Variants in RPS13 observed in about 807,000 individuals in gnomAD.
The protein encoded by RPS13 is ribosomal protein S13, also known as small ribosomal subunit protein uS15.
A neutral mutation model predicts 24.6 loss-of-function variants in RPS13; 1 was observed. The observed-to-expected ratio is 0.04, with a 90% confidence interval of 0.01 to 0.19. The LOEUF is 0.19. Among genes scored for constraint, RPS13 ranks in the 10% least tolerant of loss-of-function variants. RPS13 has a pLI of 1.00. For synonymous variants in RPS13, 69 were observed against 65.3 expected (o/e 1.06, Z -0.27); for missense variants, 88 against 187.4 (o/e 0.47, Z 3.10).
At chr11:17,075,716 A>G in intron 3 of RPS13, 93 bp from the exon 4 acceptor site, 3 of 954,810 alleles carry the variant, frequency 3.1e-6, no homozygotes, top group Non-Finnish European at 4.9e-6. Flanking sequence ...ATAGTTTCCT[A>G]TCTGTAAGAT....
Position 17,077,297 on chromosome 11 carries a change from G to T in RPS13, c.73-51C>A, listed in dbSNP as rs374416357. 74 of 1,577,964 alleles carry T rather than the reference G, an allele frequency of 4.7e-5. No homozygotes were observed. The Admixed American group carries it at 4.8e-4, about 10-fold the overall frequency. ...AGGATGAGAACCCAGGAATGGCGCC[G>T]CAGAACAGCGGTCTCTCCTTCCGCA... On this transcript the variant is annotated intron_variant, in intron 2 of 5. Transcript: ENST00000525634.
intron 3 of RPS13, chr11:17,076,826 T>C (rs971570330): frequency 1.5e-5 from 6 of 398,802 alleles, no homozygotes; most frequent in Admixed American, 4.0e-5. Context: ...GCAGCTGAGA[T>C]TCAAACCACA....
chr11:17,077,393 T>TCCCCGGATTCTC (rs757708559), intron 2 of RPS13, 36 bp downstream of exon 2: 1 of 1,597,050 alleles, frequency 6.3e-7, no homozygotes, highest in Non-Finnish European at 8.6e-7. Context: ...GCCAACCCCC[T>TCCCCGGATTCTC]CCCCGGATTC....
chr11:17,077,572 T>TGCGGGGGGGGGGGGGGGGGGGGG, intron 1 of RPS13, 47 bp downstream of exon 1: 2 of 1,592,332 alleles, frequency 1.3e-6, no homozygotes, highest in Non-Finnish European at 1.7e-6. Context: ...CTCCCTGTCT[T>TGCGGGGGGGGGGGGGGGGGGGGG]CCTCCCACCC....
At chr11:17,075,331 A>G in intron 4 of RPS13, 123 bp downstream of exon 4, 1 of 992,240 alleles carries the variant, frequency 1.0e-6, no homozygotes. Flanking sequence ...TTGAACTTCA[A>G]AGCAGCACTA....
At chr11:17,077,061 G>A (rs1216911601) in intron 3 of RPS13, 107 bp downstream of exon 3, 2 of 801,424 alleles carry the variant, frequency 2.5e-6, no homozygotes, top group Non-Finnish European at 4.3e-6. Context: ...CTAGCACGGT[G>A]GCGAGACCAG....
chr11:17,074,532 C>A, intron 5 of RPS13, 66 bp from the exon 6 acceptor site: 1 of 1,180,678 alleles, frequency 8.5e-7, no homozygotes, highest in South Asian at 1.3e-5. Flanking sequence ...CATTCATTAA[C>A]AGAATCTCCC....
intron 3 of RPS13, chr11:17,076,532 G>A (rs1365611226): frequency 5.0e-6 from 2 of 400,002 alleles, no homozygotes; most frequent in Non-Finnish European, 9.8e-6. Flanking sequence ...CTCCAGACTG[G>A]GCGACAAGAG....
chr11:17,075,252 A>T (rs1848008730), intron 4 of RPS13, 55 bp from the exon 5 acceptor site: 2 of 1,249,596 alleles, frequency 1.6e-6, no homozygotes, highest in Admixed American at 4.3e-5. Context: ...ACCTAACATT[A>T]TCAAACATTA....
chr11:17,074,805 C>T, intron 5 of RPS13: 1 of 660,476 alleles, frequency 1.5e-6, no homozygotes, highest in Non-Finnish European at 2.8e-6. Context: ...GAAAATCTAC[C>T]TACTATCTAA....
At chr11:17,075,769 C>T in intron 3 of RPS13, 146 bp from the exon 4 acceptor site, 1 of 715,068 alleles carries the variant, frequency 1.4e-6, no homozygotes, top group Non-Finnish European at 2.5e-6. Flanking sequence ...CGTGAGAATG[C>T]ACATAAAGCT....
intron 4 of RPS13, 42 bp downstream of exon 4, chr11:17,075,412 C>A (rs1462040752): frequency 6.8e-7 from 1 of 1,461,226 alleles, no homozygotes; most frequent in South Asian, 1.4e-5. Context: ...AAATTTAGTA[C>A]AAGCAGTCCT....
rs1059640 is a variant in RPS13, at chr11:17,075,168, T to G, written c.351A>C (p.Leu117=). The change falls in exon 5 of 6, where the codon CTA becomes CTC. Residue 117 remains leucine, a synonymous_variant. Coordinates refer to ENST00000525634, the MANE Select transcript of RPS13 (RefSeq NM_001017.3). ...KDKDAKFRLI[L]IESRIHRLAR... ...CCAAACGGTGAATCCGGCTCTCTATTAGAATCAGACGGAATTTAGCATCCT... is the reference window on the plus strand; with the variant it reads ...CCAAACGGTGAATCCGGCTCTCTATGAGAATCAGACGGAATTTAGCATCCT... 4 of 1,607,750 alleles carry G rather than the reference T, an allele frequency of 2.5e-6. No individual in the cohort carries two copies. Among genetic ancestry groups the G allele is most frequent in the Admixed American group, 1.7e-5 (1 of 57,866 alleles).
intron 2 of RPS13, 62 bp downstream of exon 2, chr11:17,077,367 T>C: frequency 6.3e-7 from 1 of 1,591,894 alleles, no homozygotes; most frequent in Non-Finnish European, 8.6e-7. Flanking sequence ...CTGGCGTCGC[T>C]TCACCCGAGA....
At chr11:17,076,897 C>G (rs1208465346) in intron 3 of RPS13, 2 of 517,928 alleles carry the variant, frequency 3.9e-6, no homozygotes, top group Non-Finnish European at 3.5e-6. Flanking sequence ...CTCCACTTGA[C>G]AGCTGTGTGA....
chr11:17,074,597 C>A (rs1847996783), intron 5 of RPS13, 131 bp from the exon 6 acceptor site: 1 of 771,664 alleles, frequency 1.3e-6, no homozygotes, highest in Admixed American at 2.0e-5. Flanking sequence ...TAAAGTGCAC[C>A]AAACTTCTGA....
intron 5 of RPS13, 35 bp downstream of exon 5, chr11:17,075,062 T>G: frequency 7.0e-7 from 1 of 1,433,974 alleles, no homozygotes; most frequent in Non-Finnish European, 9.7e-7. Flanking sequence ...CTGACTCCTA[T>G]TCTTGATAAC....
intron 5 of RPS13, chr11:17,074,794 G>C (rs1848001051): frequency 3.0e-6 from 2 of 661,028 alleles, no homozygotes; most frequent in East Asian, 5.9e-5. Flanking sequence ...AGGTATGAAA[G>C]GAAAATCTAC....
At position 17,077,422 on chromosome 11, in the gene RPS13, T is replaced by G; in HGVS notation, c.72+7A>C. 3 of 1,603,742 alleles carry G rather than the reference T, an allele frequency of 1.9e-6. No homozygotes were observed. Among genetic ancestry groups the G allele is most frequent in the Non-Finnish European group, 2.6e-6 (3 of 1,173,554 alleles). ...CGGATTCTCCCCGGTCCCAGCGCGCTACTTACAGTGGGGACGCTGCGTCGA... is the reference window on the plus strand; with the variant it reads ...CGGATTCTCCCCGGTCCCAGCGCGCGACTTACAGTGGGGACGCTGCGTCGA... On this transcript the variant is annotated splice_region_variant and intron_variant, in intron 2 of 5. Transcript: ENST00000525634.
Sources: allele counts gnomAD v4.1 joint callset, GRCh38; gene constraint gnomAD v4.1.1; transcripts MANE v1.5; gene names NCBI Gene and HGNC (gene_info 2026-07-23, HGNC 2026-07-21).